Variants in SEL1L2 observed in about 807,000 individuals in gnomAD.
SEL1L2 encodes the protein protein sel-1 homolog 2.
SEL1L2 carries 89 observed loss-of-function variants against 98.8 expected under a neutral mutation model. The ratio of observed to expected loss-of-function variants is 0.90; its 90% CI spans 0.76 to 1.07. The LOEUF (loss-of-function observed/expected upper bound fraction) is 1.07, where lower values mean the gene tolerates loss of function less well. Ranked by LOEUF, SEL1L2 falls within the 50% of genes least tolerant of loss-of-function variation. The pLI is 0.00. For missense variants in SEL1L2, 788 were observed against 812.0 expected (o/e 0.97, Z 0.36); for synonymous variants, 262 against 278.5 (o/e 0.94, Z 0.59).
intron 4 of SEL1L2, among the ~76,000 whole-genome samples, chr20:13,915,882 G>C (rs2048379597): frequency 1.3e-5 from 2 of 152,198 alleles, no homozygotes; most frequent in Admixed American, 1.3e-4. Flanking sequence ...GGTCTCTACA[G>C]GGTCTGGCAT....
At chr20:13,992,134 GT>G (rs1025141278), upstream of SEL1L2, among the ~76,000 whole-genome samples, 3 of 152,190 alleles carry the variant, frequency 2.0e-5, no homozygotes, top group African/African-American at 7.2e-5. Context: ...AGGGAGTGAT[GT>G]TCAAGCTGAA....
At chr20:13,935,806 G>A (rs78961604) in intron 2 of SEL1L2, among the ~76,000 whole-genome samples, 98 of 152,236 alleles carry the variant, frequency 6.4e-4, no homozygotes, top group Non-Finnish European at 1.1e-3. Context: ...ATATGATATC[G>A]TAGAGATGGA....
At chr20:13,872,343 C>T (rs1191874891) in intron 12 of SEL1L2, among the ~76,000 whole-genome samples, 2 of 152,118 alleles carry the variant, frequency 1.3e-5, no homozygotes, top group Non-Finnish European at 2.9e-5. Context: ...GCGGTTACCC[C>T]CGTGCTGCTG....
intron 2 of SEL1L2, among the ~76,000 whole-genome samples, chr20:13,941,578 C>T (rs764360877): frequency 2.6e-5 from 4 of 152,006 alleles, no homozygotes; most frequent in South Asian, 2.1e-4. Context: ...TGTTTTGGAG[C>T]GAGACCAGCT....
At chr20:13,921,619 C>T (rs1199737030) in intron 3 of SEL1L2, among the ~76,000 whole-genome samples, 1 of 152,122 alleles carries the variant, frequency 6.6e-6, no homozygotes, top group Admixed American at 6.6e-5. Flanking sequence ...GAAACACTTT[C>T]AATAATGTCA....
intron 15 of SEL1L2, 33 bp downstream of exon 15, chr20:13,866,669 A>G: frequency 1.3e-6 from 2 of 1,489,400 alleles, no homozygotes; most frequent in Non-Finnish European, 1.8e-6. Flanking sequence ...ATATATGACA[A>G]GTGCTTTAAA....
chr20:13,947,955 T>G (rs1327633912), intron 2 of SEL1L2, among the ~76,000 whole-genome samples: 2 of 152,248 alleles, frequency 1.3e-5, no homozygotes, highest in Non-Finnish European at 2.9e-5. Flanking sequence ...CACTCCATGC[T>G]TGGCTCGCCC....
At chr20:13,934,433 C>CATAT (rs61390054) in intron 2 of SEL1L2, among the ~76,000 whole-genome samples, 1 of 26,478 alleles carries the variant, frequency 3.8e-5, no homozygotes, top group Non-Finnish European at 6.6e-5. Context: ...ATATATATTC[C>CATAT]ATATATATAT....
intron 5 of SEL1L2, among the ~76,000 whole-genome samples, chr20:13,898,806 G>A (rs1276188720): frequency 2.0e-5 from 3 of 152,164 alleles, no homozygotes; most frequent in African/African-American, 4.8e-5. Flanking sequence ...ACAATGGCCC[G>A]ATCTCGGCTC....
chr20:13,943,080 T>TCTTG (rs2049853264), intron 2 of SEL1L2, among the ~76,000 whole-genome samples: 1 of 152,168 alleles, frequency 6.6e-6, no homozygotes, highest in Non-Finnish European at 1.5e-5. Flanking sequence ...AGTAACTCAT[T>TCTTG]CAGTTACTTC....
intron 5 of SEL1L2, among the ~76,000 whole-genome samples, chr20:13,900,859 C>T (rs934377099): frequency 6.6e-6 from 1 of 152,148 alleles, no homozygotes; most frequent in African/African-American, 2.4e-5. Flanking sequence ...CAACCAAATG[C>T]ACCTATTATA....
chr20:13,904,984 G>C (rs980176650), intron 5 of SEL1L2, among the ~76,000 whole-genome samples: 2 of 152,166 alleles, frequency 1.3e-5, no homozygotes, highest in African/African-American at 2.4e-5. Flanking sequence ...GTGAGCTCAG[G>C]AAGTTGTGAA....
chr20:13,939,059 T>TTTTTTTTTTTTTTTTTTTTTG (rs71188201), intron 2 of SEL1L2, among the ~76,000 whole-genome samples: 1 of 122,790 alleles, frequency 8.1e-6, no homozygotes, highest in African/African-American at 3.1e-5. Context: ...TTTTTTTTTT[T>TTTTTTTTTTTTTTTTTTTTTG]CTGAGATGGA....
chr20:13,862,132 A>C (rs1002431728), intron 17 of SEL1L2, among the ~76,000 whole-genome samples: 3 of 152,260 alleles, frequency 2.0e-5, no homozygotes, highest in African/African-American at 7.2e-5. Context: ...CTTGATAAAT[A>C]CATATAGAAT....
chr20:13,875,897 A>G, intron 12 of SEL1L2, 141 bp downstream of exon 12: 5 of 696,304 alleles, frequency 7.2e-6, no homozygotes, highest in Middle Eastern at 2.5e-4. Flanking sequence ...CATCACCAGT[A>G]TTATACTTCT....
At chr20:13,852,138 A>T (rs1245510074) in intron 18 of SEL1L2, among the ~76,000 whole-genome samples, 2 of 152,174 alleles carry the variant, frequency 1.3e-5, no homozygotes. Context: ...AGACATATTG[A>T]CTTGGATGGG....
intron 2 of SEL1L2, among the ~76,000 whole-genome samples, chr20:13,944,725 A>G (rs1226729067): frequency 6.6e-6 from 1 of 152,206 alleles, no homozygotes; most frequent in African/African-American, 2.4e-5. Flanking sequence ...GTGGATATAG[A>G]ATTGCTCTTC....
chr20:13,932,524 C>T (rs184367080), intron 2 of SEL1L2, among the ~76,000 whole-genome samples: 4 of 151,914 alleles, frequency 2.6e-5, no homozygotes, highest in East Asian at 1.9e-4. Context: ...CTTCGCCTCC[C>T]GGGATCAAGT....
intron 2 of SEL1L2, among the ~76,000 whole-genome samples, chr20:13,934,461 CAT>C (rs1555888257): frequency 0.039 from 55 of 1,400 alleles, 1 homozygote; most frequent in Non-Finnish European, 0.077. Flanking sequence ...ATATATATTC[CAT>C]ATATATATAT....
Sources: gnomAD v4.1 joint callset for allele counts (sites outside exome capture counted in the v4.1 genomes callset) on GRCh38, gnomAD v4.1.1 for gene constraint, MANE v1.5 for transcripts, NCBI Gene and HGNC (gene_info 2026-07-23, HGNC 2026-07-21) for gene names.